The following CMKLR1 variants were observed in gnomAD, a reference collection of about 807,000 sequenced individuals.
CMKLR1 encodes the protein chemerin chemokine-like receptor 1.
In CMKLR1, 6 loss-of-function variants were observed where a neutral mutation model predicts 8.2. The observed-to-expected ratio is 0.73, with a 90% CI of 0.40 to 1.44. The LOEUF (loss-of-function observed/expected upper bound fraction) is 1.44. CMKLR1 is among the 40% of genes most tolerant of loss of function. The pLI, the probability that CMKLR1 is intolerant of heterozygous loss-of-function variation, is 0.02. For synonymous variants in CMKLR1, 178 were observed against 181.2 expected (o/e 0.98, Z 0.14); for missense variants, 429 against 478.0 (o/e 0.90, Z 0.96).
rs1226697609 is a variant in CMKLR1 at position 108,293,094 on chromosome 12, G to T, written c.4-135C>A. On this transcript the variant is annotated intron_variant, in intron 3 of 3. Coordinates refer to ENST00000550402, the MANE Select transcript of CMKLR1 (RefSeq NM_001142343.2). Reference sequence around the variant, plus strand: ...TTGTGATTTAACCATTTCCTTCTTTGCTATTTTATTTATTGAACAAATGCC... The same window carrying T: ...TTGTGATTTAACCATTTCCTTCTTTTCTATTTTATTTATTGAACAAATGCC... 6 of 810,350 alleles carry T rather than the reference G, an allele frequency of 7.4e-6. No individual in the cohort carries two copies. In the African/African-American group the frequency reaches 8.7e-5, roughly 12 times the overall value. The allele number at this position is 810,350 out of a possible 1,614,324, so 50.2% of individuals were successfully genotyped here.
At chr12:108,335,906 T>C (rs1892209628) in intron 1 of CMKLR1, among the ~76,000 whole-genome samples, 1 of 152,226 alleles carries the variant, frequency 6.6e-6, no homozygotes, top group Admixed American at 6.5e-5. Context: ...TTTCAAAGCC[T>C]CCATGCTGGG....
chr12:108,332,881 G>A (rs983481784), intron 1 of CMKLR1, among the ~76,000 whole-genome samples: 10 of 152,096 alleles, frequency 6.6e-5, no homozygotes, highest in African/African-American at 2.2e-4. Flanking sequence ...TCAGGAGGTG[G>A]GAGGATTACT....
At position 108,296,341 on chromosome 12, in the gene CMKLR1, G is replaced by A. The variant is rs141334158; in HGVS notation, c.-73-2677C>T. Among the ~76,000 whole-genome samples, 21 of 152,332 alleles carry A rather than the reference G, an allele frequency of 1.4e-4. No homozygotes were observed. In the East Asian group the frequency reaches 3.9e-3, roughly 28 times the overall value. ...AGATGGTTGTGAGGATTAAGTGCTT[G>A]GAACAGGTCCCCTTATGGGGTAAGC... is the stretch of plus-strand genomic sequence containing the variant. On this transcript the variant is annotated intron_variant, in intron 2 of 3. Coordinates refer to ENST00000550402, the MANE Select transcript of CMKLR1 (RefSeq NM_001142343.2).
intron 2 of CMKLR1, among the ~76,000 whole-genome samples, chr12:108,329,378 A>G (rs551468465): frequency 3.3e-5 from 5 of 152,196 alleles, no homozygotes; most frequent in African/African-American, 1.2e-4. Flanking sequence ...AATCTCTCTC[A>G]TGTCTAGCCA....
At chr12:108,329,013 A>G (rs1367926258) in intron 2 of CMKLR1, among the ~76,000 whole-genome samples, 1 of 152,200 alleles carries the variant, frequency 6.6e-6, no homozygotes, top group African/African-American at 2.4e-5. Context: ...CAGTGGAGAG[A>G]AAGATTCTCT....
At chr12:108,335,721 C>T (rs865809784) in intron 1 of CMKLR1, among the ~76,000 whole-genome samples, 1 of 152,200 alleles carries the variant, frequency 6.6e-6, no homozygotes, top group Admixed American at 6.5e-5. Context: ...TTCCTGCCTG[C>T]CCCATGGAGC....
At chr12:108,313,832 T>C (rs1891649579) in intron 2 of CMKLR1, among the ~76,000 whole-genome samples, 1 of 152,210 alleles carries the variant, frequency 6.6e-6, no homozygotes, top group South Asian at 2.1e-4. Flanking sequence ...GCTCTTCCTT[T>C]TTTTCACTAC....
Position 108,292,378 on chromosome 12 carries a change from C to G in CMKLR1, c.585G>C (p.Leu195=). The G allele has an allele frequency of 6.2e-7, 1 of 1,614,142 alleles. No individual in the cohort carries two copies. Among genetic ancestry groups the G allele is most frequent in the Non-Finnish European group, 8.5e-7 (1 of 1,180,030 alleles). The change falls in exon 4 of 4, where the codon CTG becomes CTC. Residue 195 remains leucine (L), a synonymous_variant. Coordinates refer to ENST00000550402, the MANE Select transcript of CMKLR1 (RefSeq NM_001142343.2). ...GCCACGAGGAAGACCCAGGTGTGGA[C>G]AGGCTGAAGTTGTTGAAGCAGGATA... ...GKISCFNNFS[L]STPGSSSWPT... is the part of the protein sequence containing the mutation.
At chr12:108,314,332 C>T (rs1891663130) in intron 2 of CMKLR1, among the ~76,000 whole-genome samples, 1 of 152,142 alleles carries the variant, frequency 6.6e-6, no homozygotes, top group African/African-American at 2.4e-5. Flanking sequence ...ACATGAGTCA[C>T]ATGCTCCTTG....
chr12:108,310,921 G>A lies in CMKLR1; in HGVS notation c.-73-17257C>T, dbSNP rs562530212. Among the ~76,000 whole-genome samples the A allele has an allele frequency of 1.6e-3, 241 of 152,242 alleles. 2 individuals carry two copies. The highest frequency in any genetic ancestry group is 5.1e-3 in the African/African-American group (211 of 41,542). The stretch of plus-strand genomic sequence containing the variant: ...ACCAGGGAGGCACATCCCAGGACAC[G>A]TGTGTGAGGCAGGTAAGTTCGAAGA... On this transcript the variant is annotated intron_variant, in intron 2 of 3. Coordinates refer to ENST00000550402, the MANE Select transcript of CMKLR1 (RefSeq NM_001142343.2).
Position 108,292,195 on chromosome 12 carries a change from C to G in CMKLR1, c.768G>C (p.Lys256Asn), listed in dbSNP as rs771537993. ...KLQRNRLAKT[K>N]KPFKIIVTII... ...TGGTCACAATAATCTTGAAGGGCTT[C>G]TTGGTCTTGGCCAGGCGGTTGCGCT... Residue 256 changes from lysine to asparagine, a missense_variant, in exon 4 of 4, where the codon AAG (lysine) becomes AAC (asparagine). Lys to Asn is a moderately conservative substitution (Grantham distance 94, BLOSUM62 0). Transcript: ENST00000550402. 4.3e-6 allele frequency: 7 copies of G among 1,613,948 alleles called. No homozygotes were observed. In the East Asian group the frequency reaches 1.6e-4, roughly 36 times the overall value.
chr12:108,324,600 T>C (rs779446486), intron 2 of CMKLR1, among the ~76,000 whole-genome samples: 67 of 152,198 alleles, frequency 4.4e-4, no homozygotes, highest in Non-Finnish European at 9.1e-4. Context: ...TTTAAATGCA[T>C]GGGCCTATTA....
At chr12:108,334,392 A>T (rs1892174619) in intron 1 of CMKLR1, among the ~76,000 whole-genome samples, 1 of 152,234 alleles carries the variant, frequency 6.6e-6, no homozygotes, top group South Asian at 2.1e-4. Flanking sequence ...TGGCCAGCCC[A>T]GTTGAAGCCT....
At chr12:108,325,582 C>T (rs1891964103) in intron 2 of CMKLR1, among the ~76,000 whole-genome samples, 1 of 152,058 alleles carries the variant, frequency 6.6e-6, no homozygotes, top group Non-Finnish European at 1.5e-5. Context: ...ATAAAACATA[C>T]CCTCCCACAG....
chr12:108,335,940 T>G (rs542788860), intron 1 of CMKLR1, among the ~76,000 whole-genome samples: 1 of 152,364 alleles, frequency 6.6e-6, no homozygotes, highest in South Asian at 2.1e-4. Flanking sequence ...GATCTGACTT[T>G]CTGTGGTACT....
Position 108,292,136 on chromosome 12 carries a change from T to C in CMKLR1, c.827A>G (p.Tyr276Cys). Residue 276 changes from tyrosine to cysteine, a missense_variant, in exon 4 of 4, where the codon TAC becomes TGC. Coordinates refer to ENST00000550402, the MANE Select transcript of CMKLR1 (RefSeq NM_001142343.2). Reference protein sequence around the residue: ...IITFFLCWCPYHTLNLLELHH... With the variant: ...IITFFLCWCPCHTLNLLELHH... ...GAGCTCTAGGAGGTTGAGTGTGTGG[T>C]AGGGGCACCAGCAGAGGAAGAAGGT... 17 of 1,614,064 alleles carry C rather than the reference T, an allele frequency of 1.1e-5. No individual in the cohort carries two copies. The highest frequency in any genetic ancestry group is 1.4e-5 in the Non-Finnish European group (17 of 1,179,988).
At chr12:108,329,724 C>A (rs1338338199) in intron 2 of CMKLR1, among the ~76,000 whole-genome samples, 1 of 152,182 alleles carries the variant, frequency 6.6e-6, no homozygotes, top group African/African-American at 2.4e-5. Context: ...TGTCTGTTTA[C>A]TCACCTGTCT....
chr12:108,321,993 C>T (rs911576997), intron 2 of CMKLR1, among the ~76,000 whole-genome samples: 22 of 152,010 alleles, frequency 1.4e-4, no homozygotes, highest in Non-Finnish European at 5.9e-5. Flanking sequence ...TCTATTAGTT[C>T]CCACAAGAAT....
intron 2 of CMKLR1, among the ~76,000 whole-genome samples, chr12:108,317,051 C>A (rs1216487615): frequency 6.6e-6 from 1 of 152,350 alleles, no homozygotes; most frequent in East Asian, 1.9e-4. Flanking sequence ...GATCCACCCA[C>A]CTCAGCCTTC....
Sources: allele counts gnomAD v4.1 joint callset (sites outside exome capture counted in the v4.1 genomes callset), GRCh38; gene constraint gnomAD v4.1.1; transcripts MANE v1.5; gene names NCBI Gene and HGNC (gene_info 2026-07-23, HGNC 2026-07-21).